ITPR1: variants seen among roughly 807,000 people sequenced by gnomAD.
ITPR1 encodes inositol 1,4,5-trisphosphate receptor type 1.
ITPR1 carries 96 observed loss-of-function variants against 318.4 expected under a neutral mutation model. That is an observed-to-expected ratio of 0.30 (90% CI 0.26 to 0.36). The LOEUF (loss-of-function observed/expected upper bound fraction) is 0.36. ITPR1 is among the 10% of genes least tolerant of loss of function. The probability of loss-of-function intolerance (pLI) is 1.00; values close to 1 mark genes in which losing one functional copy is unlikely to be tolerated. For synonymous variants in ITPR1, 1,312 were observed against 1,289.9 expected, an observed-to-expected ratio of 1.02 and a Z score of -0.37; for missense variants, 2,440 against 3,460.2, an observed-to-expected ratio of 0.71 and a Z score of 7.40.
At position 4,531,511 on chromosome 3, in the gene ITPR1, C is replaced by T. The variant is rs188786863; in HGVS notation, c.163+10417C>T. 9.2e-5 allele frequency among the ~76,000 whole-genome samples: 14 copies of T among 152,262 alleles called. No homozygotes were observed. The East Asian group carries it at 2.7e-3, about 29-fold the overall frequency. On this transcript the variant is annotated intron_variant, in intron 4 of 61. Transcript: ENST00000649015. ...GATGTCATTCAGCTGCTTGGAACCTCATAGTGGTTCCCCAGTTGTGCTCAG... is the reference window on the plus strand; with the variant it reads ...GATGTCATTCAGCTGCTTGGAACCTTATAGTGGTTCCCCAGTTGTGCTCAG...
intron 4 of ITPR1, among the ~76,000 whole-genome samples, chr3:4,614,308 G>C (rs565277711): frequency 1.3e-5 from 2 of 152,184 alleles, no homozygotes; most frequent in Non-Finnish European, 2.9e-5. Flanking sequence ...CATCCATGTT[G>C]TAACAGTAGC....
intron 61 of ITPR1, among the ~76,000 whole-genome samples, chr3:4,837,149 C>A (rs992149353): frequency 2.6e-5 from 4 of 152,076 alleles, no homozygotes; most frequent in Non-Finnish European, 5.9e-5. Context: ...GTGCTACTTT[C>A]AGTGCTGCTC....
intron 5 of ITPR1, among the ~76,000 whole-genome samples, chr3:4,634,865 A>G (rs1460556622): frequency 1.3e-5 from 2 of 152,068 alleles, no homozygotes; most frequent in East Asian, 3.9e-4. Context: ...CAGCTTCCTG[A>G]GTAGCTGGGA....
At chr3:4,759,735 C>T (rs947882637) in intron 44 of ITPR1, among the ~76,000 whole-genome samples, 1 of 152,186 alleles carries the variant, frequency 6.6e-6, no homozygotes, top group African/African-American at 2.4e-5. Flanking sequence ...GAGAGGAGCA[C>T]GTTACCCTGC....
At chr3:4,598,002 G>A (rs991646878) in intron 4 of ITPR1, among the ~76,000 whole-genome samples, 2 of 152,194 alleles carry the variant, frequency 1.3e-5, no homozygotes, top group Non-Finnish European at 2.9e-5. Context: ...GCTTTCCTGC[G>A]GTGTGATTCT....
At position 4,539,551 on chromosome 3, in the gene ITPR1, A is replaced by G. The variant is rs371287655; in HGVS notation, c.163+18457A>G. On this transcript the variant is annotated intron_variant, in intron 4 of 61. Transcript: ENST00000649015. ...TGGTGGTGGTTGCATGAATTTGTGT[A>G]TATGTTAAAACTCATAGAACTGTAT... Among the ~76,000 whole-genome samples, 152 of 152,194 alleles carry G rather than the reference A, an allele frequency of 1.0e-3. 1 individual carries two copies. Among genetic ancestry groups the G allele is most frequent in the African/African-American group, 3.5e-3 (144 of 41,520 alleles).
chr3:4,679,094 C>G (rs1574825263), intron 24 of ITPR1, among the ~76,000 whole-genome samples: 1 of 152,152 alleles, frequency 6.6e-6, no homozygotes, highest in South Asian at 2.1e-4. Flanking sequence ...GGGGAGAACT[C>G]TATGAGAAGC....
intron 4 of ITPR1, among the ~76,000 whole-genome samples, chr3:4,593,508 A>G (rs762092946): frequency 2.6e-5 from 4 of 152,248 alleles, no homozygotes; most frequent in Non-Finnish European, 5.9e-5. Flanking sequence ...GGCTAAAATT[A>G]CAACGTGAAC....
intron 38 of ITPR1, chr3:4,711,450 C>G (rs2041361955): frequency 4.0e-6 from 1 of 248,884 alleles, no homozygotes; most frequent in Admixed American, 5.2e-5. Context: ...AATAGCCACG[C>G]TTTATAAACG....
rs371985692 is a variant in ITPR1, at chr3:4,760,048, C to T, written c.5545-6482C>T. 2.0e-5 allele frequency among the ~76,000 whole-genome samples: 3 copies of T among 152,376 alleles called. No homozygotes were observed. In the South Asian group the frequency reaches 6.2e-4, roughly 32 times the overall value. On this transcript the variant is annotated intron_variant, in intron 44 of 61. Coordinates refer to ENST00000649015, the MANE Select transcript of ITPR1 (RefSeq NM_001378452.1). ...GACCAGCTTTGTGTCTTCTGCTTTC[C>T]CAGCCTTTGACTCCGGCCTCACTGC... is the stretch of plus-strand genomic sequence containing the variant.
intron 44 of ITPR1, among the ~76,000 whole-genome samples, chr3:4,742,741 G>A (rs571357477): frequency 1.9e-4 from 27 of 145,034 alleles, no homozygotes; most frequent in South Asian, 1.2e-3. Flanking sequence ...CTATAGGTGC[G>A]GACCACCATG....
chr3:4,627,612 G>A (rs1469262156), intron 4 of ITPR1, 151 bp from the exon 5 acceptor site: 1 of 524,428 alleles, frequency 1.9e-6, no homozygotes, highest in East Asian at 3.1e-5. Flanking sequence ...AATTCAAAAA[G>A]AGATTTGTCA....
At chr3:4,652,594 G>A (rs1477332841) in intron 11 of ITPR1, among the ~76,000 whole-genome samples, 1 of 152,158 alleles carries the variant, frequency 6.6e-6, no homozygotes, top group East Asian at 1.9e-4. Context: ...GGAACCGGAA[G>A]CACTAAGACG....
At chr3:4,527,063 C>T (rs1187973929) in intron 4 of ITPR1, among the ~76,000 whole-genome samples, 1 of 152,152 alleles carries the variant, frequency 6.6e-6, no homozygotes, top group Non-Finnish European at 1.5e-5. Flanking sequence ...CAGAGCGCAT[C>T]TATTTGGTAC....
intron 4 of ITPR1, among the ~76,000 whole-genome samples, chr3:4,580,189 A>G (rs1009885616): frequency 2.6e-5 from 4 of 152,260 alleles, no homozygotes; most frequent in East Asian, 1.9e-4. Flanking sequence ...CATCCTGGGC[A>G]ACAGAGCCAG....
At chr3:4,726,017 G>T (rs534235685) in intron 41 of ITPR1, among the ~76,000 whole-genome samples, 1 of 152,164 alleles carries the variant, frequency 6.6e-6, no homozygotes, top group East Asian at 1.9e-4. Flanking sequence ...TTGTAATTTT[G>T]CAATGCACTT....
chr3:4,641,969 C>G (rs1280205210), intron 6 of ITPR1, 124 bp from the exon 7 acceptor site: 1 of 694,334 alleles, frequency 1.4e-6, no homozygotes, highest in South Asian at 3.4e-5. Context: ...TTGTGATTCT[C>G]TGGCTTCACC....
chr3:4,598,609 T>C (rs1051217667), intron 4 of ITPR1, among the ~76,000 whole-genome samples: 8 of 152,156 alleles, frequency 5.3e-5, no homozygotes, highest in African/African-American at 1.9e-4. Context: ...GAGATGGAGC[T>C]AGACCCTGTC....
At chr3:4,688,703 T>C in intron 31 of ITPR1, 83 bp downstream of exon 31, 1 of 1,399,648 alleles carries the variant, frequency 7.1e-7, no homozygotes. Flanking sequence ...CTTTGGCTGT[T>C]GTGGCTTCTG....
Sources: gnomAD v4.1 joint callset for allele counts (sites outside exome capture counted in the v4.1 genomes callset) on GRCh38, gnomAD v4.1.1 for gene constraint, MANE v1.5 for transcripts, NCBI Gene and HGNC (gene_info 2026-07-23, HGNC 2026-07-21) for gene names.